Variants in SPATA13 observed in about 807,000 individuals in gnomAD.
SPATA13 encodes the protein spermatogenesis-associated protein 13.
SPATA13 carries 50 observed loss-of-function variants against 104.0 expected under a neutral mutation model. That is an observed-to-expected ratio of 0.48 (90% CI 0.38 to 0.61). The LOEUF (loss-of-function observed/expected upper bound fraction) is 0.61, where lower values mean the gene tolerates loss of function less well. Ranked by LOEUF, SPATA13 falls within the 20% of genes least tolerant of loss-of-function variation. The pLI is 0.00. For missense variants in SPATA13, 1,524 were observed against 1,690.6 expected, an observed-to-expected ratio of 0.90 and a Z score of 1.73; for synonymous variants, 606 against 667.5, an observed-to-expected ratio of 0.91 and a Z score of 1.42.
chr13:24,090,481 C>T (rs1243943577), intron 3 of SPATA13, among the ~76,000 whole-genome samples: 3 of 152,194 alleles, frequency 2.0e-5, no homozygotes, highest in Non-Finnish European at 4.4e-5. Flanking sequence ...GTCCCCTCAC[C>T]GAACGGTGTC....
At chr13:23,992,432 A>G (rs1875457303) in intron 2 of SPATA13, among the ~76,000 whole-genome samples, 1 of 152,232 alleles carries the variant, frequency 6.6e-6, no homozygotes, top group African/African-American at 2.4e-5. Flanking sequence ...CCGCCTGGAT[A>G]CAGACCATTG....
chr13:24,272,642 T>G (rs971382186), intron 4 of SPATA13: 13 of 152,230 alleles, frequency 8.5e-5, no homozygotes, highest in Admixed American at 5.2e-4. Context: ...TGCCATCTTA[T>G]GCTGTCCTGT....
chr13:24,134,850 C>T (rs1050411077), intron 3 of SPATA13, among the ~76,000 whole-genome samples: 6 of 152,118 alleles, frequency 3.9e-5, no homozygotes, highest in African/African-American at 1.4e-4. Flanking sequence ...ATTTCCAGAA[C>T]GTCAGGATGT....
intron 2 of SPATA13, among the ~76,000 whole-genome samples, chr13:23,994,439 T>C (rs772049017): frequency 1.3e-5 from 2 of 152,320 alleles, no homozygotes; most frequent in Non-Finnish European, 2.9e-5. Flanking sequence ...GTATCATCCT[T>C]AACAAGGGCA....
Position 24,123,356 on chromosome 13 carries a change from G to C in SPATA13, c.-111-99463G>C, listed in dbSNP as rs1419703285. 20 of 1,314,218 alleles carry C rather than the reference G, an allele frequency of 1.5e-5. No individual in the cohort carries two copies. The South Asian group carries it at 2.4e-4, about 15-fold the overall frequency. The allele number at this position is 1,314,218 out of a possible 1,614,324, so 81.4% of individuals were successfully genotyped here. A position where few individuals can be genotyped will look rare whatever the true frequency, so the allele number is the denominator to read the frequency against. ...TTTCGAACTTCACTTCACAGAAATA[G>C]TGAATTACCCAGCAAGCCCTTGCTC... On this transcript the variant is annotated intron_variant, in intron 3 of 14. Transcript: ENST00000424834.
intron 4 of SPATA13, among the ~76,000 whole-genome samples, chr13:24,271,073 T>A (rs1363772204): frequency 1.3e-5 from 2 of 151,618 alleles, no homozygotes; most frequent in Non-Finnish European, 2.9e-5. Flanking sequence ...TCTCTCTTTC[T>A]CTGCTGCTTG....
At chr13:24,073,936 CA>C (rs1181990480) in intron 3 of SPATA13, among the ~76,000 whole-genome samples, 2 of 152,236 alleles carry the variant, frequency 1.3e-5, no homozygotes, top group Non-Finnish European at 2.9e-5. Context: ...TTGCACACCA[CA>C]ATAAACTTTG....
At chr13:24,100,705 C>A (rs528042938) in intron 3 of SPATA13, among the ~76,000 whole-genome samples, 1 of 151,972 alleles carries the variant, frequency 6.6e-6, no homozygotes, top group South Asian at 2.1e-4. Flanking sequence ...CTCACCAGTT[C>A]TGTTTCTCTT....
At chr13:24,229,716 TAA>T (rs1021056208) in intron 2 of SPATA13, among the ~76,000 whole-genome samples, 1 of 152,116 alleles carries the variant, frequency 6.6e-6, no homozygotes, top group African/African-American at 2.4e-5. Context: ...AAAAAAAGCA[TAA>T]GAGTTAAGTT....
At chr13:24,044,506 C>T (rs1269821107) in intron 3 of SPATA13, among the ~76,000 whole-genome samples, 1 of 152,170 alleles carries the variant, frequency 6.6e-6, no homozygotes, top group Non-Finnish European at 1.5e-5. Context: ...GTTGGGATTA[C>T]AGGCATTAGC....
chr13:24,278,909 C>A (rs202042444), intron 4 of SPATA13: 1 of 1,231,946 alleles, frequency 8.1e-7, no homozygotes, highest in Admixed American at 3.2e-5. Context: ...TCCTTCCTTC[C>A]TTCCTTCCTT....
intron 4 of SPATA13, among the ~76,000 whole-genome samples, chr13:24,281,474 C>T (rs532124223): frequency 2.6e-4 from 40 of 152,290 alleles, no homozygotes; most frequent in African/African-American, 7.2e-4. Flanking sequence ...CTGGCTGTCG[C>T]GGTGTCCGGC....
intron 2 of SPATA13, among the ~76,000 whole-genome samples, chr13:24,231,875 T>C (rs1205157498): frequency 6.6e-6 from 1 of 152,236 alleles, no homozygotes; most frequent in Non-Finnish European, 1.5e-5. Context: ...CGTCGTTTCA[T>C]GTGGTTATTA....
At chr13:24,187,630 A>C (rs1337487376) in intron 1 of SPATA13, among the ~76,000 whole-genome samples, 1 of 152,090 alleles carries the variant, frequency 6.6e-6, no homozygotes, top group African/African-American at 2.4e-5. Context: ...CAAGCATTTA[A>C]ATTATTATAT....
At position 24,088,884 on chromosome 13, in the gene SPATA13, C is replaced by T. The variant is rs1338912551; in HGVS notation, c.-112+71183C>T. On this transcript the variant is annotated intron_variant, in intron 3 of 14. Transcript: ENST00000424834. The surrounding 1 kb of genome is among the most constrained non-coding windows in gnomAD (Gnocchi z 4.3). ...GGCTCCAGGAAAGCGCAAGCAAGGG[C>T]TCCTGGGTCCACTGGTTCCTGTGCA... Among the ~76,000 whole-genome samples the T allele has an allele frequency of 2.6e-5, 4 of 152,218 alleles. No individual in the cohort carries two copies. Among genetic ancestry groups the T allele is most frequent in the African/African-American group, 9.6e-5 (4 of 41,454 alleles).
chr13:24,166,854 G>T (rs1269640522), intron 1 of SPATA13, among the ~76,000 whole-genome samples: 1 of 152,214 alleles, frequency 6.6e-6, no homozygotes, highest in Non-Finnish European at 1.5e-5. Context: ...CGAGAGGGGA[G>T]CCCTCATGAT....
rs192383480 is a variant in SPATA13, at chr13:24,106,522, A to G, written c.-112+88821A>G. Among the ~76,000 whole-genome samples, 408 of 152,340 alleles carry G rather than the reference A, an allele frequency of 2.7e-3. 1 individual carries two copies. Among genetic ancestry groups the G allele is most frequent in the African/African-American group, 9.5e-3 (394 of 41,564 alleles). ...CCTCACTTCAGTTGAGCAGTTGTGCAGCAGTGGCCAAGCCTGTAGGTGCAT... is the reference window on the plus strand; with the variant it reads ...CCTCACTTCAGTTGAGCAGTTGTGCGGCAGTGGCCAAGCCTGTAGGTGCAT... On this transcript the variant is annotated intron_variant, in intron 3 of 14. Transcript: ENST00000424834.
chr13:24,072,631 C>G (rs1388721631), intron 3 of SPATA13, among the ~76,000 whole-genome samples: 1 of 152,132 alleles, frequency 6.6e-6, no homozygotes, highest in South Asian at 2.1e-4. Flanking sequence ...ATTGAATCTG[C>G]CTTCTGGATT....
intron 2 of SPATA13, among the ~76,000 whole-genome samples, chr13:24,237,386 C>A (rs913362122): frequency 6.6e-6 from 1 of 151,926 alleles, no homozygotes; most frequent in Non-Finnish European, 1.5e-5. Context: ...ACAAAAAAAA[C>A]ATGCTGCAGC....
Sources: gnomAD v4.1 joint callset for allele counts (sites outside exome capture counted in the v4.1 genomes callset) on GRCh38, gnomAD v4.1.1 for gene constraint, Gnocchi (gnomAD v3.1) non-coding constraint, MANE v1.5 for transcripts, NCBI Gene and HGNC (gene_info 2026-07-23, HGNC 2026-07-21) for gene names.